TAF6: variants seen among roughly 807,000 people sequenced by gnomAD.
The protein encoded by TAF6 is transcription initiation factor TFIID subunit 6.
Under a neutral mutation model 73.5 loss-of-function variants are expected in TAF6, and 50 were observed. The ratio of observed to expected loss-of-function variants is 0.68; its 90% CI spans 0.54 to 0.86. The LOEUF is 0.86. TAF6 is among the 40% of genes least tolerant of loss of function. The pLI, the probability that TAF6 is intolerant of heterozygous loss-of-function variation, is 0.00. For synonymous variants in TAF6, 424 were observed against 376.7 expected (o/e 1.13, Z -1.45); for missense variants, 768 against 899.5 (o/e 0.85, Z 1.87).
chr7:100,124,913 G>A, the TAF6 span: 12 of 1,562,526 alleles, frequency 7.7e-6, no homozygotes, highest in Non-Finnish European at 9.5e-6. Flanking sequence ...CCCCCAGGAG[G>A]GGAAGGGATC....
chr7:100,125,077 T>G, the TAF6 span: 1 of 615,736 alleles, frequency 1.6e-6, no homozygotes, highest in Non-Finnish European at 2.7e-6. Context: ...GGGTGGAGGG[T>G]GGGGGTGGAG....
At chr7:100,120,862 G>T (rs1320310960), upstream of TAF6, among the ~76,000 whole-genome samples, 2 of 151,906 alleles carry the variant, frequency 1.3e-5, no homozygotes, top group East Asian at 3.9e-4. Context: ...GTCATCCTTG[G>T]TTTATCTGTC....
chr7:100,108,379 C>A lies in TAF6; in HGVS notation c.1446G>T (p.Leu482=). The A allele has an allele frequency of 1.2e-6, 2 of 1,606,398 alleles. No homozygotes were observed. Among genetic ancestry groups the A allele is most frequent in the South Asian group, 2.2e-5 (2 of 90,778 alleles). Residue 482 remains leucine (L), a synonymous_variant, in exon 13 of 15, where the codon CTG becomes CTT. Transcript: ENST00000453269. ...LQAQQVNRTT[L]TITQPRPTLT... The stretch of plus-strand genomic sequence containing the variant: ...CCCGGCCACGGACCTGCGTGATGGT[C>A]AGAGTGGTCCTGTTGACCTGCTGAG...
chr7:100,119,470 C>A (rs2116876308), upstream of TAF6: 5 of 1,343,052 alleles, frequency 3.7e-6, no homozygotes, highest in Non-Finnish European at 4.8e-6. Context: ...AAGTTTGTTT[C>A]TACATCTATA....
intron 6 of TAF6, 135 bp downstream of exon 6, chr7:100,112,663 T>C (rs1190089182): frequency 1.5e-6 from 2 of 1,293,758 alleles, no homozygotes; most frequent in Non-Finnish European, 1.0e-6. Flanking sequence ...TGCAGTGAGC[T>C]GAGATCGTAC....
At chr7:100,119,547 C>A, upstream of TAF6, 1 of 1,388,294 alleles carries the variant, frequency 7.2e-7, no homozygotes, top group Non-Finnish European at 9.6e-7. Flanking sequence ...CTGCCAGGAC[C>A]TTCAAGAGGC....
Position 100,108,071 on chromosome 7 carries a change from G to C in TAF6, c.1511C>G (p.Pro504Arg). 6.2e-7 allele frequency: 1 copy of C among 1,612,102 alleles called. No homozygotes were observed. Among genetic ancestry groups the C allele is most frequent in the Non-Finnish European group, 8.5e-7 (1 of 1,179,580 alleles). The change falls in exon 14 of 15, where the codon CCT (proline) becomes CGT (arginine). Residue 504 changes from proline to arginine, a missense_variant. Physicochemically the swap from Pro to Arg is moderately radical, Grantham distance 103. Around this residue, in one of 5 missense-constraint regions of TAF6, gnomAD observed 350 missense variants for 352.3 expected, o/e 0.99. Coordinates refer to ENST00000453269, the MANE Select transcript of TAF6 (RefSeq NM_139315.3). ...GGAGCCAGGAACCTTCAGCAAGCCA[G>C]GGGTGCGAGGGCCAGGCTGTGGGGC... ...SQAPQPGPRTPGLLKVPGSIA... is the reference protein window; with the variant it reads ...SQAPQPGPRTRGLLKVPGSIA...
rs542969032 is a variant in TAF6 at position 100,107,932 on chromosome 7, G to A, written c.1650C>T (p.Thr550=). Residue 550 remains threonine, a synonymous_variant, in exon 14 of 15, where the codon ACC becomes ACT. Coordinates refer to ENST00000453269, the MANE Select transcript of TAF6 (RefSeq NM_139315.3). ...VMSSSSSAPS[T]QQVLSLSTSA... is the part of the protein sequence containing the mutation. ...GTCCCACAGCTCTGCATACCTGCTG[G>A]GTGGATGGGGCGCTGGAGGACGATG... 2 of 1,609,292 alleles carry A rather than the reference G, an allele frequency of 1.2e-6. No homozygotes were observed. The highest frequency in any genetic ancestry group is 1.3e-5 in the African/African-American group (1 of 74,994).
At position 100,113,624 on chromosome 7, in the gene TAF6, C is replaced by T. The variant is rs1259743338; in HGVS notation, c.389G>A (p.Cys130Tyr). ...TPLPRVPLDV[C>Y]LKAHWLSIEG... Reference sequence around the variant, plus strand: ...CTCTCCCCTCCCCCAACCTTTGAGGCAGACGTCCAGGGGCACCCGGGGCAG... The same window carrying T: ...CTCTCCCCTCCCCCAACCTTTGAGGTAGACGTCCAGGGGCACCCGGGGCAG... Residue 130 changes from cysteine to tyrosine, a missense_variant, in exon 4 of 15, where the codon TGC becomes TAC. Around this residue, in one of 5 missense-constraint regions of TAF6, gnomAD observed 269 missense variants for 268.0 expected, o/e 1.00. Transcript: ENST00000453269. The T allele has an allele frequency of 6.2e-7, 1 of 1,614,022 alleles. No homozygotes were observed. Among genetic ancestry groups the T allele is most frequent in the Non-Finnish European group, 8.5e-7 (1 of 1,179,948 alleles).
chr7:100,122,589 C>T (rs1038828165), upstream of TAF6: 7 of 1,589,952 alleles, frequency 4.4e-6, no homozygotes, highest in African/African-American at 4.0e-5. Context: ...TCAGACCCTT[C>T]CCCAGGGCAG....
upstream of TAF6, chr7:100,124,643 G>A (rs1880949): frequency 1.9e-6 from 3 of 1,611,678 alleles, no homozygotes; most frequent in South Asian, 2.2e-5. Context: ...TAAGCGTAAG[G>A]GTTGAACTCC....
chr7:100,112,072 C>T (rs887575177), intron 7 of TAF6, 36 bp downstream of exon 7: 12 of 1,613,386 alleles, frequency 7.4e-6, no homozygotes, highest in African/African-American at 4.0e-5. Flanking sequence ...CAGGAGGAGG[C>T]GTCTCAGGGC....
At chr7:100,108,189 G>T in intron 13 of TAF6, 66 bp from the exon 14 acceptor site, 1 of 1,504,042 alleles carries the variant, frequency 6.6e-7, no homozygotes, top group Non-Finnish European at 8.9e-7. Context: ...GAAGGGAGAG[G>T]CCTGGGCTCC....
chr7:100,126,404 T>C, the TAF6 span, among the ~76,000 whole-genome samples: 2 of 151,916 alleles, frequency 1.3e-5, no homozygotes, highest in Non-Finnish European at 2.9e-5. Flanking sequence ...TCCAGGAGGC[T>C]GAAGCAGGAG....
At chr7:100,119,447 A>C (rs1797951402), upstream of TAF6, 1 of 1,293,294 alleles carries the variant, frequency 7.7e-7, no homozygotes. Context: ...CGCAGAATGA[A>C]ATTATATTTT....
chr7:100,119,328 C>A lies in TAF6; in HGVS notation c.-184G>T. On this transcript the variant is annotated 5_prime_UTR_variant, in exon 1 of 15. Coordinates refer to ENST00000453269, the MANE Select transcript of TAF6 (RefSeq NM_139315.3). ...CTAGCGGCAGCCGAGACGCTGCTCA[C>A]CCGGCGCTCGGCGCCATCTTGGCCC... The A allele has an allele frequency of 9.7e-7, 1 of 1,034,594 alleles. No individual in the cohort carries two copies. Among genetic ancestry groups the A allele is most frequent in the Non-Finnish European group, 1.2e-6 (1 of 859,338 alleles). 64.1% of individuals were successfully genotyped at this position (1,034,594 alleles called of 1,614,324 possible). A position where few individuals can be genotyped will look rare whatever the true frequency, so the allele number is the denominator to read the frequency against.
At position 100,107,349 on chromosome 7, in the gene TAF6, C is replaced by G; in HGVS notation, c.1931G>C (p.Cys644Ser). Residue 644 changes from cysteine to serine, a missense_variant, in exon 15 of 15, where the codon TGT becomes TCT. Around this residue, in one of 5 missense-constraint regions of TAF6, gnomAD observed 350 missense variants for 352.3 expected, o/e 0.99. Transcript: ENST00000453269. ...GTCCCCAGCCTCCTGCTTCCCCCCA[C>G]AAAGGGCACTGCCGCTGAGTGGGGA... is the stretch of plus-strand genomic sequence containing the variant. ...SPSPLSGSALCGGKQEAGDSP... is the reference protein window; with the variant it reads ...SPSPLSGSALSGGKQEAGDSP... The G allele has an allele frequency of 6.4e-7, 1 of 1,554,572 alleles. No homozygotes were observed. The highest frequency in any genetic ancestry group is 8.7e-7 in the Non-Finnish European group (1 of 1,148,858).
upstream of TAF6, chr7:100,122,274 GCA>G: frequency 6.2e-7 from 1 of 1,614,032 alleles, no homozygotes; most frequent in Non-Finnish European, 8.5e-7. Flanking sequence ...AAGCTGCTGA[GCA>G]CAGAGCTACA....
At position 100,107,461 on chromosome 7, in the gene TAF6, T is replaced by C. The variant is rs1339382108; in HGVS notation, c.1819A>G (p.Ile607Val). ...PSGPGSVQKY[I>V]VVSLPPTGEG... is the part of the protein sequence containing the mutation. ...CCTGTTGGGGGAAGTGAGACCACGA[T>C]GTACTTCTGGACACTCCCAGGACCA... The change falls in exon 15 of 15, where the codon ATC (isoleucine) becomes GTC (valine). Residue 607 changes from isoleucine to valine, a missense_variant. This residue lies in a region of TAF6 where 350 missense variants were observed against 352.3 expected (regional missense o/e 0.99). Transcript: ENST00000453269. 1.2e-6 allele frequency: 2 copies of C among 1,613,152 alleles called. No homozygotes were observed. The highest frequency in any genetic ancestry group is 2.2e-5 in the South Asian group (2 of 91,038).
Sources: gnomAD v4.1 joint callset for allele counts (sites outside exome capture counted in the v4.1 genomes callset) on GRCh38, gnomAD v4.1.1 for gene constraint, gnomAD v4.1.1 regional missense constraint, MANE v1.5 for transcripts, NCBI Gene and HGNC (gene_info 2026-07-23, HGNC 2026-07-21) for gene names.